KDM4C: variants seen among roughly 807,000 people sequenced by gnomAD.
The protein encoded by KDM4C is lysine-specific demethylase 4C.
In KDM4C, 81 loss-of-function variants were observed where a neutral mutation model predicts 129.3. The observed-to-expected ratio is 0.63, with a 90% CI of 0.52 to 0.75. The LOEUF (loss-of-function observed/expected upper bound fraction) is 0.75. Ranked by LOEUF, KDM4C falls within the 30% of genes least tolerant of loss-of-function variation. The pLI is 0.00. For synonymous variants in KDM4C, 573 were observed against 456.1 expected, an observed-to-expected ratio of 1.26 and a Z score of -3.26; for missense variants, 1,457 against 1,304.0, an observed-to-expected ratio of 1.12 and a Z score of -1.81.
intron 4 of KDM4C, among the ~76,000 whole-genome samples, chr9:6,825,851 C>G (rs1014490139): frequency 2.0e-5 from 3 of 152,158 alleles, no homozygotes; most frequent in Admixed American, 6.5e-5. Flanking sequence ...CACTCCATTG[C>G]ACAGCCTGCA....
intron 17 of KDM4C, among the ~76,000 whole-genome samples, chr9:7,068,068 T>C (rs550352354): frequency 4.6e-5 from 7 of 152,326 alleles, no homozygotes; most frequent in Non-Finnish European, 7.3e-5. Flanking sequence ...AGTGCTGGGA[T>C]TACAGGCGTG....
At chr9:6,771,190 C>G (rs1187004675) in intron 1 of KDM4C, among the ~76,000 whole-genome samples, 2 of 150,208 alleles carry the variant, frequency 1.3e-5, no homozygotes, top group Non-Finnish European at 1.5e-5. Flanking sequence ...GGCCTCCCCC[C>G]AAAGTGCTAG....
At chr9:6,726,165 C>A (rs1817121284) in intron 1 of KDM4C, among the ~76,000 whole-genome samples, 1 of 151,850 alleles carries the variant, frequency 6.6e-6, no homozygotes, top group Non-Finnish European at 1.5e-5. Context: ...CTCAGGCAAT[C>A]CGCCTGCCTC....
At chr9:6,919,598 G>A (rs1303765404) in intron 8 of KDM4C, among the ~76,000 whole-genome samples, 2 of 146,340 alleles carry the variant, frequency 1.4e-5, no homozygotes, top group Admixed American at 6.8e-5. Flanking sequence ...TATCTAGGAT[G>A]GAGTTTCACT....
intron 19 of KDM4C, among the ~76,000 whole-genome samples, chr9:7,152,873 A>G (rs1016235402): frequency 3.3e-5 from 5 of 152,350 alleles, no homozygotes; most frequent in Admixed American, 2.0e-4. Context: ...TGCAGGGGAA[A>G]GATTGTGCAT....
At chr9:6,949,453 G>A (rs947847988) in intron 8 of KDM4C, among the ~76,000 whole-genome samples, 1 of 152,228 alleles carries the variant, frequency 6.6e-6, no homozygotes, top group East Asian at 1.9e-4. Context: ...GCTGGGCAGA[G>A]GCTGTAATCT....
At chr9:7,158,715 G>A (rs1210423702) in intron 19 of KDM4C, among the ~76,000 whole-genome samples, 2 of 152,132 alleles carry the variant, frequency 1.3e-5, no homozygotes, top group African/African-American at 2.4e-5. Flanking sequence ...ACAGTTTACA[G>A]TGATTTCTGT....
At position 7,172,423 on chromosome 9, in the gene KDM4C, CTT is replaced by C. The variant is rs142765196; in HGVS notation, c.2995-2127_2995-2126del. The stretch of plus-strand genomic sequence containing the variant: ...TTTATTATTGTATTTGAGAGGCCGA[CTT>C]TTGCTGTTTCTGCACAGTGGCAACA... On this transcript the variant is annotated intron_variant, in intron 21 of 21. Coordinates refer to ENST00000381309, the MANE Select transcript of KDM4C (RefSeq NM_015061.6). Among the ~76,000 whole-genome samples, 1,480 of 152,320 alleles carry C rather than the reference CTT, an allele frequency of 9.7e-3. 24 individuals carry two copies. The highest frequency in any genetic ancestry group is 0.034 in the African/African-American group (1,399 of 41,568).
chr9:7,150,891 T>C (rs566944790), intron 19 of KDM4C, among the ~76,000 whole-genome samples: 3 of 152,312 alleles, frequency 2.0e-5, no homozygotes, highest in South Asian at 2.1e-4. Context: ...TTGGAAAATA[T>C]ACCTCTGAGG....
chr9:7,087,889 G>C (rs1835323436), intron 17 of KDM4C, among the ~76,000 whole-genome samples: 2 of 152,196 alleles, frequency 1.3e-5, no homozygotes, highest in Non-Finnish European at 2.9e-5. Flanking sequence ...TTGTGTGAGA[G>C]GGCACGTAGT....
chr9:7,140,387 A>C (rs544221992), intron 19 of KDM4C, among the ~76,000 whole-genome samples: 35 of 152,308 alleles, frequency 2.3e-4, no homozygotes, highest in African/African-American at 7.2e-4. Flanking sequence ...TGAAATTAAA[A>C]GGGCAAAAAT....
chr9:6,812,666 G>A (rs1381225373), intron 3 of KDM4C, among the ~76,000 whole-genome samples: 1 of 152,270 alleles, frequency 6.6e-6, no homozygotes, highest in South Asian at 2.1e-4. Flanking sequence ...GACCTCCTAT[G>A]CATCCCTGTT....
At position 7,175,435 on chromosome 9, in the gene KDM4C, C is replaced by T. The variant is rs1588002231; in HGVS notation, c.*706C>T. 1.3e-5 allele frequency: 2 copies of T among 152,514 alleles called. No individual in the cohort carries two copies. The highest frequency in any genetic ancestry group is 2.9e-5 in the Non-Finnish European group (2 of 68,010). 9.4% of individuals were successfully genotyped at this position (152,514 alleles called of 1,614,324 possible). ...ATTTTATATATTTAAAGAGGGAGATCTGGGGCTGTTATTTTTAAACACTTT... is the reference window on the plus strand; with the variant it reads ...ATTTTATATATTTAAAGAGGGAGATTTGGGGCTGTTATTTTTAAACACTTT... On this transcript the variant is annotated 3_prime_UTR_variant, in exon 22 of 22. Transcript: ENST00000381309.
At chr9:6,782,395 C>G (rs565278902) in intron 1 of KDM4C, among the ~76,000 whole-genome samples, 1 of 152,124 alleles carries the variant, frequency 6.6e-6, no homozygotes, top group Non-Finnish European at 1.5e-5. Flanking sequence ...ATCTTCTGCT[C>G]CTACTAACTT....
At chr9:7,160,162 C>G (rs1464094811) in intron 19 of KDM4C, among the ~76,000 whole-genome samples, 2 of 152,122 alleles carry the variant, frequency 1.3e-5, no homozygotes, top group African/African-American at 4.8e-5. Flanking sequence ...AGTTCTCGTG[C>G]CATGGTTTTC....
Position 6,787,629 on chromosome 9 carries a change from A to G in KDM4C, c.-17-5343A>G, listed in dbSNP as rs184214363. On this transcript the variant is annotated intron_variant, in intron 1 of 21. Coordinates refer to ENST00000381309, the MANE Select transcript of KDM4C (RefSeq NM_015061.6). ...TGTTCAGAATGTATTTGCAATCTAC[A>G]ATCTGAGCATTTCCCTCTGCCCATC... Among the ~76,000 whole-genome samples, 73 of 152,330 alleles carry G rather than the reference A, an allele frequency of 4.8e-4. 1 individual carries two copies. Among genetic ancestry groups the G allele is most frequent in the Admixed American group, 4.7e-3 (72 of 15,296 alleles).
At chr9:6,756,620 G>A (rs1290252802), upstream of KDM4C, among the ~76,000 whole-genome samples, 3 of 152,230 alleles carry the variant, frequency 2.0e-5, no homozygotes, top group African/African-American at 7.2e-5. Context: ...GGGAGGCTGA[G>A]GCAGGAGAAT....
At chr9:6,772,532 T>C (rs1315482699) in intron 1 of KDM4C, among the ~76,000 whole-genome samples, 1 of 152,158 alleles carries the variant, frequency 6.6e-6, no homozygotes, top group Non-Finnish European at 1.5e-5. Context: ...TGGTTAATTT[T>C]GTATTTTTAG....
At chr9:6,870,838 G>A (rs112276444) in intron 5 of KDM4C, among the ~76,000 whole-genome samples, 2,498 of 152,184 alleles carry the variant, frequency 0.016, 66 homozygotes, top group African/African-American at 0.055. Context: ...TAGGCGCAGG[G>A]AGTATAGGGC....
Sources: allele counts gnomAD v4.1 joint callset (sites outside exome capture counted in the v4.1 genomes callset), GRCh38; gene constraint gnomAD v4.1.1; transcripts MANE v1.5; gene names NCBI Gene and HGNC (gene_info 2026-07-23, HGNC 2026-07-21).